RANBP2: variants seen among roughly 807,000 people sequenced by gnomAD.
RANBP2 encodes the protein RAN binding protein 2, also known as E3 SUMO-protein ligase RanBP2.
RANBP2 carries 57 observed loss-of-function variants against 303.6 expected under a neutral mutation model. The ratio of observed to expected loss-of-function variants is 0.19; its 90% confidence interval spans 0.15 to 0.23. The LOEUF (loss-of-function observed/expected upper bound fraction) is 0.23. Among genes scored for constraint, RANBP2 ranks in the 10% least tolerant of loss-of-function variants. The pLI, the probability that RANBP2 is intolerant of heterozygous loss-of-function variation, is 1.00. For synonymous variants in RANBP2, 1,167 were observed against 1,301.5 expected, an observed-to-expected ratio of 0.90 and a Z score of 2.23; for missense variants, 3,138 against 3,780.8, an observed-to-expected ratio of 0.83 and a Z score of 4.46.
the RANBP2 span, chr2:109,567,963 GGT>G: frequency 6.2e-7 from 1 of 1,602,522 alleles, no homozygotes; most frequent in East Asian, 2.2e-5. Flanking sequence ...GGCAATCACT[GGT>G]ATAATGTTTA....
chr2:109,157,071 G>C, the RANBP2 span, among the ~76,000 whole-genome samples: 1 of 152,098 alleles, frequency 6.6e-6, no homozygotes, highest in Non-Finnish European at 1.5e-5. Flanking sequence ...GGCTCTCCTT[G>C]GTAAACACAG....
chr2:108,976,327 C>T, the RANBP2 span, among the ~76,000 whole-genome samples: 1 of 152,154 alleles, frequency 6.6e-6, no homozygotes, highest in South Asian at 2.1e-4. Context: ...CAGACTGGGG[C>T]TATGGGTTTG....
At position 108,763,252 on chromosome 2, in the gene RANBP2, A is replaced by G; in HGVS notation, c.2713A>G (p.Met905Val). The G allele has an allele frequency of 6.2e-7, 1 of 1,613,712 alleles. No homozygotes were observed. Among genetic ancestry groups the G allele is most frequent in the Non-Finnish European group, 8.5e-7 (1 of 1,179,910 alleles). ...TGTCTTTTAGGGCCCAGTCTATGGC[A>G]TGAATAGGCTTCCACCCCAACAGCA... is the stretch of plus-strand genomic sequence containing the variant. ...VTPTKGPVYG[M>V]NRLPPQQHIY... Residue 905 changes from methionine to valine, a missense_variant, in exon 20 of 29, where the codon ATG becomes GTG. By Grantham distance (21) the Met-to-Val change is conservative. Around this residue, in one of 20 missense-constraint regions of RANBP2, gnomAD observed 403 missense variants for 376.7 expected, o/e 1.07. Coordinates refer to ENST00000283195, the MANE Select transcript of RANBP2 (RefSeq NM_006267.5).
the RANBP2 span, among the ~76,000 whole-genome samples, chr2:109,539,740 G>A: frequency 6.6e-6 from 1 of 152,220 alleles, no homozygotes; most frequent in Non-Finnish European, 1.5e-5. Flanking sequence ...ACCGTGCCCG[G>A]CCGCAACCAG....
At chr2:109,083,127 A>C in the RANBP2 span, among the ~76,000 whole-genome samples, 2 of 152,150 alleles carry the variant, frequency 1.3e-5, no homozygotes, top group Admixed American at 1.3e-4. Flanking sequence ...TGCCCGGCCA[A>C]GACCCCATCT....
At chr2:108,857,749 A>G in the RANBP2 span, among the ~76,000 whole-genome samples, 1 of 152,202 alleles carries the variant, frequency 6.6e-6, no homozygotes, top group Non-Finnish European at 1.5e-5. Flanking sequence ...AAGTTAGTGA[A>G]CTGAGGGATC....
chr2:109,701,778 C>T, the RANBP2 span, among the ~76,000 whole-genome samples: 3 of 152,164 alleles, frequency 2.0e-5, no homozygotes, highest in Non-Finnish European at 4.4e-5. Context: ...TAGTTCCCAG[C>T]TTGACTTTTC....
At chr2:109,091,996 T>C in the RANBP2 span, among the ~76,000 whole-genome samples, 2 of 152,080 alleles carry the variant, frequency 1.3e-5, no homozygotes, top group Non-Finnish European at 2.9e-5. Context: ...AGACTTCTCC[T>C]GAATCAGGAA....
chr2:109,597,521 T>G, the RANBP2 span, among the ~76,000 whole-genome samples: 4 of 152,136 alleles, frequency 2.6e-5, no homozygotes, highest in Admixed American at 2.6e-4. Context: ...GACCACAATC[T>G]CGTTTCAACG....
the RANBP2 span, among the ~76,000 whole-genome samples, chr2:109,569,680 A>T: frequency 6.6e-6 from 1 of 152,176 alleles, no homozygotes; most frequent in African/African-American, 2.4e-5. Flanking sequence ...CCTTAGTTTC[A>T]ATATTATATA....
the RANBP2 span, among the ~76,000 whole-genome samples, chr2:108,853,841 ATATATATATAC>A: frequency 6.0e-5 from 8 of 132,960 alleles, no homozygotes; most frequent in African/African-American, 1.4e-4. Flanking sequence ...TCTATATGCA[ATATATATATAC>A]TATATATATA....
chr2:109,607,994 T>C, the RANBP2 span, among the ~76,000 whole-genome samples: 4 of 152,262 alleles, frequency 2.6e-5, no homozygotes, highest in Non-Finnish European at 5.9e-5. Flanking sequence ...TGTCTGTTTC[T>C]GAAGCCGTGA....
At chr2:108,930,588 G>A in the RANBP2 span, among the ~76,000 whole-genome samples, 4 of 152,114 alleles carry the variant, frequency 2.6e-5, no homozygotes, top group Non-Finnish European at 5.9e-5. Context: ...CTAATACAGT[G>A]GCTTCTCAGA....
At chr2:108,760,249 C>G (rs1676633138) in intron 18 of RANBP2, among the ~76,000 whole-genome samples, 1 of 152,170 alleles carries the variant, frequency 6.6e-6, no homozygotes, top group South Asian at 2.1e-4. Flanking sequence ...TATTTGAGAG[C>G]ATTTCCTTCT....
intron 7 of RANBP2, among the ~76,000 whole-genome samples, chr2:108,743,264 C>T (rs1003116362): frequency 5.3e-5 from 8 of 152,002 alleles, no homozygotes; most frequent in Non-Finnish European, 1.2e-4. Context: ...TATGCACAGC[C>T]TAAAATTTTT....
the RANBP2 span, among the ~76,000 whole-genome samples, chr2:109,033,241 T>C: frequency 1.3e-5 from 2 of 152,146 alleles, no homozygotes; most frequent in Admixed American, 1.3e-4. Flanking sequence ...CTCATTTCTG[T>C]GAGCTGAGAT....
At chr2:109,733,435 AGAGT>A in the RANBP2 span, among the ~76,000 whole-genome samples, 26,397 of 152,084 alleles carry the variant, frequency 0.17, 2,838 homozygotes, top group East Asian at 0.3. Context: ...TCAACATGAT[AGAGT>A]GTGTTTCTGG....
chr2:109,613,007 C>A, the RANBP2 span: 1 of 488,998 alleles, frequency 2.0e-6, no homozygotes, highest in South Asian at 1.5e-5. Flanking sequence ...TTTGTTTACA[C>A]AGATGAAAAC....
the RANBP2 span, among the ~76,000 whole-genome samples, chr2:109,242,044 A>T: frequency 1.1e-4 from 17 of 151,986 alleles, no homozygotes; most frequent in Admixed American, 3.3e-4. Context: ...TCGTCCTGCA[A>T]GTGGCTGGCT....
Sources: gnomAD v4.1 joint callset for allele counts (sites outside exome capture counted in the v4.1 genomes callset) on GRCh38, gnomAD v4.1.1 for gene constraint, gnomAD v4.1.1 regional missense constraint, MANE v1.5 for transcripts, NCBI Gene and HGNC (gene_info 2026-07-23, HGNC 2026-07-21) for gene names.